The following NUP88 variants were observed in gnomAD, a reference collection of about 807,000 sequenced individuals.
NUP88 encodes nuclear pore complex protein Nup88.
A neutral mutation model predicts 93.9 loss-of-function variants in NUP88; 57 were observed. That is an observed-to-expected ratio of 0.61 (90% CI 0.49 to 0.76). NUP88 has a LOEUF of 0.76. NUP88 is among the 30% of genes least tolerant of loss of function. The pLI is 0.00. For synonymous variants in NUP88, 346 were observed against 336.8 expected (o/e 1.03, Z -0.30); for missense variants, 911 against 901.0 (o/e 1.01, Z -0.14).
intron 9 of NUP88, among the ~76,000 whole-genome samples, chr17:5,393,440 T>C (rs559338311): frequency 1.7e-4 from 24 of 142,500 alleles, no homozygotes; most frequent in East Asian, 9.8e-4. Flanking sequence ...CTTTTCTTTT[T>C]TTTTTTTTTT....
At chr17:5,400,353 G>A (rs1232734800) in intron 7 of NUP88, among the ~76,000 whole-genome samples, 3 of 151,726 alleles carry the variant, frequency 2.0e-5, no homozygotes, top group Non-Finnish European at 4.4e-5. Context: ...AAAATTAGCT[G>A]GCCGTGGTGG....
At chr17:5,409,140 G>A (rs577416284) in intron 4 of NUP88, among the ~76,000 whole-genome samples, 13 of 152,232 alleles carry the variant, frequency 8.5e-5, no homozygotes, top group African/African-American at 2.4e-4. Flanking sequence ...TTGGGAGGCC[G>A]AGGTGGGTGG....
At chr17:5,409,885 G>T (rs1349386949) in intron 4 of NUP88, among the ~76,000 whole-genome samples, 2 of 152,202 alleles carry the variant, frequency 1.3e-5, no homozygotes, top group Admixed American at 6.5e-5. Context: ...GAGCAGTTGA[G>T]GTGGAGAGCA....
chr17:5,387,304 G>T, intron 14 of NUP88, 82 bp downstream of exon 14: 1 of 1,326,092 alleles, frequency 7.5e-7, no homozygotes, highest in Non-Finnish European at 1.1e-6. Flanking sequence ...CCGTAGGTAT[G>T]TAAGCACCTG....
In NUP88 at chr17:5,389,410, T is replaced by C. The variant is rs1048431490; in HGVS notation, c.1485-450A>G. ...TTCAGTCAAGTGCAAATACTCAAAC[T>C]TCAAAAAGAGCTTAAAAGATCTCAC... On this transcript the variant is annotated intron_variant, in intron 10 of 16. Coordinates refer to ENST00000573584, the MANE Select transcript of NUP88 (RefSeq NM_002532.6). Among the ~76,000 whole-genome samples the C allele has an allele frequency of 5.9e-5, 9 of 152,312 alleles. No individual in the cohort carries two copies. The South Asian group carries it at 1.0e-3, about 18-fold the overall frequency.
intron 3 of NUP88, among the ~76,000 whole-genome samples, chr17:5,411,081 C>T (rs564361747): frequency 5.3e-5 from 8 of 152,264 alleles, no homozygotes; most frequent in South Asian, 2.1e-4. Context: ...TAGCTATACT[C>T]GCCTTGTCCA....
chr17:5,404,087 T>G lies in NUP88; in HGVS notation c.1192+12A>C. On this transcript the variant is annotated intron_variant, in intron 7 of 16. Coordinates refer to ENST00000573584, the MANE Select transcript of NUP88 (RefSeq NM_002532.6). ...CATGGGAAAAAAGCACTACATTTAT[T>G]GAAGAGCTTACCTCTATGAAGTTTG... 1 of 1,612,772 alleles carries G rather than the reference T, an allele frequency of 6.2e-7. No homozygotes were observed. The highest frequency in any genetic ancestry group is 8.5e-7 in the Non-Finnish European group (1 of 1,179,182).
At chr17:5,404,979 A>G in intron 6 of NUP88, 78 bp downstream of exon 6, 2 of 1,202,742 alleles carry the variant, frequency 1.7e-6, no homozygotes, top group Non-Finnish European at 2.3e-6. Flanking sequence ...ATTCCTTCTC[A>G]TATATTAAGC....
intron 6 of NUP88, among the ~76,000 whole-genome samples, chr17:5,404,461 G>A (rs11869800): frequency 0.44 from 66,251 of 151,660 alleles, 15,210 homozygotes; most frequent in East Asian, 0.84. Context: ...AAAAGTACAA[G>A]AAATCAGCCG....
Position 5,408,861 on chromosome 17 carries a change from A to G in NUP88, c.729T>C (p.Phe243=), listed in dbSNP as rs778598591. 1.6e-5 allele frequency: 26 copies of G among 1,613,794 alleles called. No homozygotes were observed. Among genetic ancestry groups the G allele is most frequent in the Non-Finnish European group, 1.9e-5 (23 of 1,179,950 alleles). ...TCTTTGGGACTGCTGCCAATGGCCC[A>G]AAGTCAAATGCAACTGCTGTCTCTC... The part of the protein sequence containing the change: ...SLGETAVAFD[F]GPLAAVPKTL... Residue 243 remains phenylalanine (F), a synonymous_variant, in exon 5 of 17, where the codon TTT becomes TTC. Transcript: ENST00000573584.
chr17:5,406,416 T>G (rs1055367935), intron 5 of NUP88, among the ~76,000 whole-genome samples: 20 of 152,238 alleles, frequency 1.3e-4, no homozygotes, highest in African/African-American at 4.6e-4. Flanking sequence ...GACTGGCTTA[T>G]GAAGTACACA....
At chr17:5,417,302 A>T (rs908201549) in intron 1 of NUP88, among the ~76,000 whole-genome samples, 1 of 152,178 alleles carries the variant, frequency 6.6e-6, no homozygotes, top group East Asian at 1.9e-4. Context: ...TATGCTGGAC[A>T]TACAAAAATA....
intron 6 of NUP88, among the ~76,000 whole-genome samples, chr17:5,404,660 T>G (rs547956174): frequency 6.6e-6 from 1 of 152,084 alleles, no homozygotes; most frequent in South Asian, 2.1e-4. Context: ...AAAAAAAAGC[T>G]GGGTCAAACA....
intron 1 of NUP88, chr17:5,417,899 TG>T (rs1456852256): frequency 6.6e-6 from 1 of 150,928 alleles, no homozygotes; most frequent in African/African-American, 2.4e-5. Flanking sequence ...CCCAACACTT[TG>T]GGAGGCCAAA....
rs1911937301 is a variant in NUP88, at chr17:5,386,091, AC to A, written c.*114del. ...AACAACATATTTAAAAAGATGAACC[AC>A]ACCAAAGGTCATCAAAACACCTTTT... On this transcript the variant is annotated 3_prime_UTR_variant, in exon 17 of 17. Coordinates refer to ENST00000573584, the MANE Select transcript of NUP88 (RefSeq NM_002532.6). 1.4e-6 allele frequency: 1 copy of A among 702,018 alleles called. No individual in the cohort carries two copies. Among genetic ancestry groups the A allele is most frequent in the Non-Finnish European group, 2.4e-6 (1 of 418,414 alleles). 43.5% of individuals were successfully genotyped at this position (702,018 alleles called of 1,614,324 possible).
intron 2 of NUP88, among the ~76,000 whole-genome samples, chr17:5,415,733 C>A (rs28619210): frequency 6.6e-6 from 1 of 152,000 alleles, no homozygotes; most frequent in African/African-American, 2.4e-5. Flanking sequence ...AGCAATAAAT[C>A]CATTTTCAAC....
At position 5,386,596 on chromosome 17, in the gene NUP88, T is replaced by A. The variant is rs1037654926; in HGVS notation, c.2162+112A>T. On this transcript the variant is annotated intron_variant, in intron 16 of 16. Transcript: ENST00000573584. Reference sequence around the variant, plus strand: ...ATCATGTGGCTCTCATCCCAGTAATTACTTGACATGCAAATACCAAGATTC... The same window carrying A: ...ATCATGTGGCTCTCATCCCAGTAATAACTTGACATGCAAATACCAAGATTC... 1.8e-5 allele frequency: 14 copies of A among 783,878 alleles called. No individual in the cohort carries two copies. In the Admixed American group the frequency reaches 2.7e-4, roughly 15 times the overall value. The allele number at this position is 783,878 out of a possible 1,614,324, so 48.6% of individuals were successfully genotyped here. A position where few individuals can be genotyped will look rare whatever the true frequency, so the allele number is the denominator to read the frequency against.
At chr17:5,398,998 C>G (rs1468440779) in intron 8 of NUP88, among the ~76,000 whole-genome samples, 1 of 151,496 alleles carries the variant, frequency 6.6e-6, no homozygotes, top group Non-Finnish European at 1.5e-5. Flanking sequence ...ACACCATTCT[C>G]CTGCCTCAGT....
At position 5,404,224 on chromosome 17, in the gene NUP88, C is replaced by T. The variant is rs1473137165; in HGVS notation, c.1067G>A (p.Arg356Lys). ...ATACAGAGAAGGAATGAGGTCAATC[C>T]TGGAATCCCAGGACTTTTCTGACTG... is the stretch of plus-strand genomic sequence containing the variant. ...DHTSEKSWDS[R>K]IDLIPSLYVF... is the part of the protein sequence containing the mutation. The change falls in exon 7 of 17, where the codon AGG becomes AAG. Residue 356 changes from arginine to lysine, a missense_variant. By Grantham distance (26) the Arg-to-Lys change is conservative. Coordinates refer to ENST00000573584, the MANE Select transcript of NUP88 (RefSeq NM_002532.6). The T allele has an allele frequency of 1.2e-6, 2 of 1,613,486 alleles. No individual in the cohort carries two copies. The highest frequency in any genetic ancestry group is 1.7e-6 in the Non-Finnish European group (2 of 1,179,902).
Sources: allele counts gnomAD v4.1 joint callset (sites outside exome capture counted in the v4.1 genomes callset), GRCh38; gene constraint gnomAD v4.1.1; transcripts MANE v1.5; gene names NCBI Gene and HGNC (gene_info 2026-07-23, HGNC 2026-07-21).